POLN: variants seen among roughly 807,000 people sequenced by gnomAD.
POLN encodes the protein DNA polymerase N.
In POLN, 108 loss-of-function variants were observed where a neutral mutation model predicts 113.5. The ratio of observed to expected loss-of-function variants is 0.95; its 90% CI spans 0.81 to 1.12. The LOEUF is 1.12. Among genes scored for constraint, POLN ranks in the 50% most tolerant of loss-of-function variants. The pLI is 0.00. For synonymous variants in POLN, 386 were observed against 391.5 expected (o/e 0.99, Z 0.17); for missense variants, 1,097 against 1,077.1 (o/e 1.02, Z -0.26).
intron 2 of POLN, chr4:2,239,125 A>G: frequency 1.4e-6 from 1 of 694,634 alleles, no homozygotes; most frequent in Non-Finnish European, 2.2e-6. Context: ...TTTCCACTTT[A>G]GGTGACCAGA....
Position 2,147,640 on chromosome 4 carries a change from TTTC to T in POLN, c.1731+9145_1731+9147del, listed in dbSNP as rs1240277969. Among the ~76,000 whole-genome samples the T allele has an allele frequency of 5.3e-3, 336 of 63,852 alleles. 11 individuals carry two copies. The highest frequency in any genetic ancestry group is 0.013 in the Middle Eastern group (2 of 152). 41.9% of individuals were successfully genotyped at this position (63,852 alleles called of 152,430 possible). A position where few individuals can be genotyped will look rare whatever the true frequency, so the allele number is the denominator to read the frequency against. On this transcript the variant is annotated intron_variant, in intron 16 of 25. Transcript: ENST00000511885. Reference sequence around the variant, plus strand: ...AGTAGATCAGACATCCAGTTTTTCTTTTCTTTTTTTTTTTTTTTTGAGACAAAG... The same window carrying T: ...AGTAGATCAGACATCCAGTTTTTCTTTTTTTTTTTTTTTTTTGAGACAAAG...
intron 6 of POLN, 99 bp downstream of exon 6, chr4:2,198,425 T>C: frequency 8.9e-7 from 1 of 1,128,360 alleles, no homozygotes; most frequent in Non-Finnish European, 1.2e-6. Flanking sequence ...ACAAAACTTC[T>C]AAAAGTTTAA....
intron 20 of POLN, among the ~76,000 whole-genome samples, chr4:2,095,322 T>C (rs1730760044): frequency 1.3e-5 from 2 of 152,240 alleles, no homozygotes; most frequent in South Asian, 2.1e-4. Context: ...TAGCCCCGCT[T>C]TCTCCTATCT....
intron 7 of POLN, among the ~76,000 whole-genome samples, chr4:2,182,135 GTTGA>G (rs1733158954): frequency 6.6e-6 from 1 of 152,222 alleles, no homozygotes; most frequent in African/African-American, 2.4e-5. Flanking sequence ...TACATCAGTG[GTTGA>G]TTGATTTTCA....
At chr4:2,183,307 A>G (rs1733188331) in intron 7 of POLN, among the ~76,000 whole-genome samples, 2 of 149,626 alleles carry the variant, frequency 1.3e-5, no homozygotes, top group Non-Finnish European at 3.0e-5. Context: ...CTAGATATAC[A>G]CGCAAGCAAG....
chr4:2,195,160 T>C (rs938189342), intron 6 of POLN, among the ~76,000 whole-genome samples: 10 of 152,206 alleles, frequency 6.6e-5, no homozygotes, highest in Non-Finnish European at 1.3e-4. Context: ...TTTAAATTTA[T>C]TTTGAATCTC....
chr4:2,092,544 C>T (rs34022433), intron 20 of POLN, among the ~76,000 whole-genome samples: 132 of 152,340 alleles, frequency 8.7e-4, no homozygotes, highest in African/African-American at 3.0e-3. Flanking sequence ...AGCTCCCCCA[C>T]GGTGGCTGCG....
intron 2 of POLN, chr4:2,240,770 T>C: frequency 6.2e-7 from 1 of 1,613,942 alleles, no homozygotes; most frequent in Non-Finnish European, 8.5e-7. Context: ...TGCTAAAAGC[T>C]TCCAATTCTC....
At chr4:2,232,023 G>T (rs1480931069) in intron 2 of POLN, 2 of 1,506,462 alleles carry the variant, frequency 1.3e-6, no homozygotes, top group Non-Finnish European at 1.8e-6. Flanking sequence ...AATATACATA[G>T]AATTCTCTTT....
intron 13 of POLN, among the ~76,000 whole-genome samples, chr4:2,168,418 C>G (rs758034838): frequency 1.3e-5 from 2 of 152,268 alleles, no homozygotes; most frequent in Non-Finnish European, 2.9e-5. Context: ...ACAAGCCAAT[C>G]TTTTCACATG....
intron 15 of POLN, 64 bp from the exon 16 acceptor site, chr4:2,156,917 G>A (rs1258182398): frequency 2.2e-5 from 30 of 1,378,960 alleles, no homozygotes; most frequent in East Asian, 9.2e-5. Context: ...AGAATGTGGC[G>A]GAGCCTCCAC....
chr4:2,231,688 T>G, intron 2 of POLN: 1 of 303,464 alleles, frequency 3.3e-6, no homozygotes, highest in East Asian at 6.3e-5. Context: ...ATAATGCTTT[T>G]TCCCTGTAAG....
chr4:2,228,256 A>C lies in POLN; in HGVS notation c.133+843T>G, dbSNP rs544735442. On this transcript the variant is annotated intron_variant, in intron 3 of 25. Transcript: ENST00000511885. ...GCTTTGCTAGTAGCAAAAAAAAAAA[A>C]AAAACACCAACAAAAAACAAAACAA... 1,524 of 160,044 alleles carry C rather than the reference A, an allele frequency of 9.5e-3. 35 individuals carry two copies. Among genetic ancestry groups the C allele is most frequent in the African/African-American group, 0.034 (1,364 of 40,438 alleles). 9.9% of individuals were successfully genotyped at this position (160,044 alleles called of 1,614,324 possible). A position where few individuals can be genotyped will look rare whatever the true frequency, so the allele number is the denominator to read the frequency against.
intron 20 of POLN, chr4:2,088,819 C>G: frequency 1.4e-6 from 2 of 1,446,092 alleles, no homozygotes; most frequent in Admixed American, 2.1e-5. Context: ...TTTCTTTGTC[C>G]TTTACATCTT....
At chr4:2,075,566 C>A (rs573013530) in intron 23 of POLN, 47 bp from the exon 24 acceptor site, 1 of 1,592,034 alleles carries the variant, frequency 6.3e-7, no homozygotes, top group South Asian at 1.1e-5. Context: ...GACTGTGGGG[C>A]GTGGGCCACC....
chr4:2,177,794 C>T (rs1010399198), intron 8 of POLN, among the ~76,000 whole-genome samples: 1 of 152,198 alleles, frequency 6.6e-6, no homozygotes, highest in Admixed American at 6.5e-5. Flanking sequence ...AGATGCCTGG[C>T]CTCCCTGGTG....
intron 13 of POLN, among the ~76,000 whole-genome samples, chr4:2,168,370 G>A (rs576460574): frequency 1.3e-5 from 2 of 152,378 alleles, no homozygotes; most frequent in African/African-American, 2.4e-5. Context: ...GAAGTCATGA[G>A]AAGAAATCTG....
At chr4:2,073,981 C>T (rs927280556) in intron 24 of POLN, among the ~76,000 whole-genome samples, 4 of 152,204 alleles carry the variant, frequency 2.6e-5, no homozygotes, top group African/African-American at 9.6e-5. Flanking sequence ...TGCAGAAGGA[C>T]CTGGGCCCCC....
chr4:2,137,465 CCTGAGCCAGG>C (rs1460098991), intron 16 of POLN, among the ~76,000 whole-genome samples: 8 of 152,234 alleles, frequency 5.3e-5, no homozygotes, highest in Non-Finnish European at 1.2e-4. Context: ...TGCTATGGCA[CCTGAGCCAGG>C]CTGATGCCAC....
Sources: gnomAD v4.1 joint callset for allele counts (sites outside exome capture counted in the v4.1 genomes callset) on GRCh38, gnomAD v4.1.1 for gene constraint, MANE v1.5 for transcripts, NCBI Gene and HGNC (gene_info 2026-07-23, HGNC 2026-07-21) for gene names.